CACNB2: variants seen among roughly 807,000 people sequenced by gnomAD.
The protein encoded by CACNB2 is voltage-dependent L-type calcium channel subunit beta-2.
CACNB2 carries 42 observed loss-of-function variants against 73.3 expected under a neutral mutation model. The ratio of observed to expected loss-of-function variants is 0.57; its 90% CI spans 0.45 to 0.74. The LOEUF is 0.74. Among genes scored for constraint, CACNB2 ranks in the 30% least tolerant of loss-of-function variants. The pLI is 0.00. For synonymous variants in CACNB2, 348 were observed against 310.3 expected, an observed-to-expected ratio of 1.12 and a Z score of -1.28; for missense variants, 940 against 853.0, an observed-to-expected ratio of 1.10 and a Z score of -1.27.
At chr10:18,405,349 T>TA (rs1184042238) in intron 3 of CACNB2, among the ~76,000 whole-genome samples, 2 of 152,216 alleles carry the variant, frequency 1.3e-5, no homozygotes, top group Non-Finnish European at 2.9e-5. Context: ...ATATTGCATA[T>TA]AAATGAAATC....
intron 3 of CACNB2, among the ~76,000 whole-genome samples, chr10:18,455,072 T>A (rs1295072015): frequency 6.7e-6 from 1 of 149,988 alleles, no homozygotes; most frequent in Non-Finnish European, 1.5e-5. Context: ...TTCGTACTCA[T>A]TGACGTGAAA....
At position 18,380,990 on chromosome 10, in the gene CACNB2, G is replaced by T. The variant is rs184686182; in HGVS notation, c.214-20934G>T. ...GAAATCTGTAATGCCCTTCCTCTGT[G>T]GTGGGCTGCCTTGCTTTGAAAACAC... On this transcript the variant is annotated intron_variant, in intron 2 of 13. Transcript: ENST00000324631. Among the ~76,000 whole-genome samples the T allele has an allele frequency of 8.8e-4, 133 of 151,800 alleles. 1 individual carries two copies. The South Asian group carries it at 0.013, about 15-fold the overall frequency.
chr10:18,384,926 C>T (rs1455623838), intron 2 of CACNB2, among the ~76,000 whole-genome samples: 2 of 152,122 alleles, frequency 1.3e-5, no homozygotes, highest in Non-Finnish European at 2.9e-5. Flanking sequence ...CTTGGTGTCA[C>T]TCTGGCATTG....
intron 3 of CACNB2, among the ~76,000 whole-genome samples, chr10:18,441,563 G>A (rs1360933543): frequency 6.6e-6 from 1 of 152,012 alleles, no homozygotes; most frequent in East Asian, 1.9e-4. Context: ...CTTTACTGAG[G>A]TATAATTGAC....
chr10:18,519,440 A>G lies in CACNB2; in HGVS notation c.944+472A>G, dbSNP rs191987873. Among the ~76,000 whole-genome samples, 1,163 of 151,776 alleles carry G rather than the reference A, an allele frequency of 7.7e-3. 13 individuals carry two copies. Among genetic ancestry groups the G allele is most frequent in the Non-Finnish European group, 9.9e-3 (673 of 67,886 alleles). ...CAGAGAACATCCAGGCATTTCTACA[A>G]CCCCGCCTGTGGAGTTGCATGTTTG... On this transcript the variant is annotated intron_variant, in intron 9 of 13. Coordinates refer to ENST00000324631, the MANE Select transcript of CACNB2 (RefSeq NM_201596.3).
chr10:18,154,293 A>T (rs12571593), intron 2 of CACNB2, among the ~76,000 whole-genome samples: 1 of 135,982 alleles, frequency 7.4e-6, no homozygotes, highest in Admixed American at 7.3e-5. Flanking sequence ...TAAGAACTTT[A>T]AAAAAAAAAA....
chr10:18,344,639 T>C (rs1299871694), intron 2 of CACNB2, among the ~76,000 whole-genome samples: 3 of 152,184 alleles, frequency 2.0e-5, no homozygotes, highest in Non-Finnish European at 1.5e-5. Flanking sequence ...CCCAAAGTGC[T>C]GGAATTACAG....
At chr10:18,425,686 A>C (rs2045564255) in intron 3 of CACNB2, among the ~76,000 whole-genome samples, 1 of 152,140 alleles carries the variant, frequency 6.6e-6, no homozygotes, top group Non-Finnish European at 1.5e-5. Context: ...ACAAAACAAA[A>C]AGCAAAAAAG....
intron 2 of CACNB2, among the ~76,000 whole-genome samples, chr10:18,352,199 T>C (rs576206889): frequency 6.6e-6 from 1 of 152,392 alleles, no homozygotes; most frequent in African/African-American, 2.4e-5. Flanking sequence ...TTTGATATTC[T>C]GATAATCCTG....
intron 3 of CACNB2, among the ~76,000 whole-genome samples, chr10:18,469,145 T>C (rs1222559333): frequency 6.6e-6 from 1 of 151,996 alleles, no homozygotes; most frequent in Non-Finnish European, 1.5e-5. Flanking sequence ...GAGGCTGAGG[T>C]GGGAGGATTG....
rs904187820 is a variant in CACNB2 at position 18,536,243 on chromosome 10, C to CTTTTTTTTTT, written c.1302+68_1302+77dup. 6.4e-5 allele frequency: 18 copies of CTTTTTTTTTT among 283,204 alleles called. 1 individual carries two copies. The highest frequency in any genetic ancestry group is 5.2e-4 in the African/African-American group (8 of 15,412). The allele number at this position is 283,204 out of a possible 1,614,324, so 17.5% of individuals were successfully genotyped here. Reference sequence around the variant, plus strand: ...CATAATCCAGTTACAGAGATCAGACCTTTTTTTTTTTTTTTTTTTTTTTTT... The same window carrying CTTTTTTTTTT: ...CATAATCCAGTTACAGAGATCAGACCTTTTTTTTTTTTTTTTTTTTTTTTTTTTTTTTTTT... On this transcript the variant is annotated intron_variant, in intron 12 of 13. Coordinates refer to ENST00000324631, the MANE Select transcript of CACNB2 (RefSeq NM_201596.3).
intron 2 of CACNB2, among the ~76,000 whole-genome samples, chr10:18,195,812 C>A (rs879668050): frequency 2.6e-5 from 4 of 152,214 alleles, no homozygotes. Flanking sequence ...GCAGTAAAAG[C>A]TGTCGCTTTC....
At chr10:18,476,086 G>A (rs902886897) in intron 3 of CACNB2, among the ~76,000 whole-genome samples, 2 of 152,186 alleles carry the variant, frequency 1.3e-5, no homozygotes, top group Non-Finnish European at 2.9e-5. Context: ...TACTAAACAA[G>A]CAGTGGATTG....
At chr10:18,488,022 T>G (rs2049161203) in intron 3 of CACNB2, among the ~76,000 whole-genome samples, 1 of 151,234 alleles carries the variant, frequency 6.6e-6, no homozygotes, top group African/African-American at 2.4e-5. Flanking sequence ...TTGCACTGGC[T>G]GGTCTCGAAC....
At chr10:18,184,275 G>A (rs2034037805) in intron 2 of CACNB2, among the ~76,000 whole-genome samples, 1 of 152,156 alleles carries the variant, frequency 6.6e-6, no homozygotes, top group South Asian at 2.1e-4. Flanking sequence ...TATTTCTGAG[G>A]CATCATGGTT....
chr10:18,534,429 G>C (rs1011065067), intron 11 of CACNB2, among the ~76,000 whole-genome samples: 20 of 152,170 alleles, frequency 1.3e-4, no homozygotes, highest in African/African-American at 4.6e-4. Flanking sequence ...TGGATCCCTG[G>C]AGAGTGTTGA....
chr10:18,226,030 CT>C (rs60337517), intron 2 of CACNB2, among the ~76,000 whole-genome samples: 27,040 of 145,160 alleles, frequency 0.19, 4,985 homozygotes, highest in African/African-American at 0.49. Flanking sequence ...CTTTTCTTTT[CT>C]TTTTTTTTTT....
At chr10:18,290,030 T>C (rs1368369970) in intron 2 of CACNB2, among the ~76,000 whole-genome samples, 3 of 151,836 alleles carry the variant, frequency 2.0e-5, no homozygotes, top group Non-Finnish European at 2.9e-5. Flanking sequence ...CTCCTTTGAC[T>C]TAATAGATCT....
At chr10:18,219,838 C>G (rs1343507898) in intron 2 of CACNB2, among the ~76,000 whole-genome samples, 1 of 150,722 alleles carries the variant, frequency 6.6e-6, no homozygotes, top group African/African-American at 2.4e-5. Flanking sequence ...GGCACAGTCT[C>G]AGCTCACTGC....
Sources: allele counts gnomAD v4.1 joint callset (sites outside exome capture counted in the v4.1 genomes callset), GRCh38; gene constraint gnomAD v4.1.1; transcripts MANE v1.5; gene names NCBI Gene and HGNC (gene_info 2026-07-23, HGNC 2026-07-21).